Variants in ATP6V0E1 observed in about 807,000 individuals in gnomAD.
ATP6V0E1 encodes V-type proton ATPase subunit e 1.
ATP6V0E1 carries 4 observed loss-of-function variants against 11.6 expected under a neutral mutation model. The observed-to-expected ratio is 0.35, with a 90% confidence interval of 0.17 to 0.79. ATP6V0E1 has a LOEUF of 0.79. ATP6V0E1 is among the 30% of genes least tolerant of loss of function. The pLI is 0.54. For missense variants in ATP6V0E1, 105 were observed against 100.0 expected (o/e 1.05, Z -0.21); for synonymous variants, 36 against 34.8 (o/e 1.04, Z -0.13).
chr5:173,018,612 C>G (rs1050280694), intron 2 of ATP6V0E1, among the ~76,000 whole-genome samples: 5 of 151,774 alleles, frequency 3.3e-5, no homozygotes, highest in Non-Finnish European at 7.3e-5. Context: ...GAAATAATGC[C>G]CCGTCAAGCC....
intron 2 of ATP6V0E1, among the ~76,000 whole-genome samples, chr5:173,015,889 G>A (rs942418876): frequency 1.3e-5 from 2 of 152,116 alleles, no homozygotes; most frequent in Admixed American, 1.3e-4. Context: ...ACCATGCCCA[G>A]CTGATTTTTG....
At chr5:173,002,694 A>T (rs987516195) in intron 2 of ATP6V0E1, among the ~76,000 whole-genome samples, 7 of 152,216 alleles carry the variant, frequency 4.6e-5, no homozygotes, top group Non-Finnish European at 8.8e-5. Context: ...GCTAGACTAT[A>T]TCCAAAATAG....
In ATP6V0E1 at chr5:173,015,556, A is replaced by G. The variant is rs186706199; in HGVS notation, c.153-4682A>G. Among the ~76,000 whole-genome samples the G allele has an allele frequency of 1.7e-4, 26 of 149,686 alleles. No homozygotes were observed. In the East Asian group the frequency reaches 4.2e-3, roughly 24 times the overall value. On this transcript the variant is annotated intron_variant, in intron 2 of 3. Coordinates refer to ENST00000519374, the MANE Select transcript of ATP6V0E1 (RefSeq NM_003945.4). ...TCACCAATGGCCCGTGATGTAATCAATCATGCCTACACAATGAAGCTTCCA... is the reference window on the plus strand; with the variant it reads ...TCACCAATGGCCCGTGATGTAATCAGTCATGCCTACACAATGAAGCTTCCA...
At chr5:172,995,333 C>T (rs1756047874) in intron 2 of ATP6V0E1, among the ~76,000 whole-genome samples, 1 of 152,190 alleles carries the variant, frequency 6.6e-6, no homozygotes, top group Non-Finnish European at 1.5e-5. Context: ...AACTCCTGAC[C>T]TCAAGTGATC....
chr5:172,997,781 CCAGT>C (rs368416750), intron 2 of ATP6V0E1, among the ~76,000 whole-genome samples: 26 of 150,554 alleles, frequency 1.7e-4, no homozygotes, highest in African/African-American at 6.4e-4. Flanking sequence ...CCACTGCACT[CCAGT>C]CTGGGCGACA....
In ATP6V0E1 at chr5:173,032,020, G is replaced by A. The variant is rs572999456; in HGVS notation, c.*37-2379G>A. Reference sequence around the variant, plus strand: ...AATACAAAAATCAGCCAGGTATGGTGGCACACGCCTGTAGTCCTAGCTACT... The same window carrying A: ...AATACAAAAATCAGCCAGGTATGGTAGCACACGCCTGTAGTCCTAGCTACT... On this transcript the variant is annotated intron_variant, in intron 3 of 3. Coordinates refer to ENST00000519374, the MANE Select transcript of ATP6V0E1 (RefSeq NM_003945.4). 5.9e-5 allele frequency among the ~76,000 whole-genome samples: 9 copies of A among 151,816 alleles called. No individual in the cohort carries two copies. In the East Asian group the frequency reaches 1.8e-3, roughly 30 times the overall value.
intron 2 of ATP6V0E1, among the ~76,000 whole-genome samples, chr5:173,002,647 T>C (rs1756176947): frequency 6.6e-6 from 1 of 152,244 alleles, no homozygotes; most frequent in African/African-American, 2.4e-5. Flanking sequence ...CCATCATTTA[T>C]GATATTCTGT....
chr5:173,009,682 C>G (rs1756287922), intron 2 of ATP6V0E1, among the ~76,000 whole-genome samples: 2 of 151,308 alleles, frequency 1.3e-5, no homozygotes, highest in African/African-American at 2.4e-5. Context: ...AAGCTGGTCT[C>G]CCAACTCCTG....
Position 173,005,523 on chromosome 5 carries a change from T to A in ATP6V0E1, c.152+10701T>A, listed in dbSNP as rs756188097. 2.0e-5 allele frequency among the ~76,000 whole-genome samples: 3 copies of A among 152,216 alleles called. 1 individual carries two copies. The highest frequency in any genetic ancestry group is 4.4e-5 in the Non-Finnish European group (3 of 68,046). On this transcript the variant is annotated intron_variant, in intron 2 of 3. Transcript: ENST00000519374. Reference sequence around the variant, plus strand: ...GCCACTGCACCTAGTATGTCTCTTGTTATTTTAATATATCAAGTATTTTAA... The same window carrying A: ...GCCACTGCACCTAGTATGTCTCTTGATATTTTAATATATCAAGTATTTTAA...
chr5:173,017,250 C>A (rs1404378866), intron 2 of ATP6V0E1, among the ~76,000 whole-genome samples: 1 of 152,122 alleles, frequency 6.6e-6, no homozygotes. Flanking sequence ...AAAGTGATTC[C>A]CTGCTGGGCG....
chr5:173,023,686 A>G (rs1267551831), intron 3 of ATP6V0E1, among the ~76,000 whole-genome samples: 1 of 152,174 alleles, frequency 6.6e-6, no homozygotes, highest in African/African-American at 2.4e-5. Context: ...CTCTACAAAA[A>G]ATACAAAAAT....
intron 3 of ATP6V0E1, among the ~76,000 whole-genome samples, chr5:173,021,499 G>A (rs1259206094): frequency 1.3e-5 from 2 of 152,062 alleles, no homozygotes; most frequent in Non-Finnish European, 2.9e-5. Flanking sequence ...CAGTATGGGG[G>A]AACTGCCCCC....
Position 173,035,153 on chromosome 5 carries a change from T to G in ATP6V0E1, c.*791T>G, listed in dbSNP as rs1336825388. ...CAAGTTCACAAGCTATTTGGAGAGA[T>G]AAGGTTAGTATACATAGAACTGTAA... On this transcript the variant is annotated 3_prime_UTR_variant, in exon 4 of 4. Transcript: ENST00000519374. 6.6e-6 allele frequency: 1 copy of G among 152,164 alleles called. No homozygotes were observed. Among genetic ancestry groups the G allele is most frequent in the Non-Finnish European group, 1.5e-5 (1 of 68,100 alleles). 9.4% of individuals were successfully genotyped at this position (152,164 alleles called of 1,614,324 possible).
rs543084452 is a variant in ATP6V0E1, at chr5:173,034,594, C to T, written c.*232C>T. 3.2e-4 allele frequency: 199 copies of T among 624,120 alleles called. 2 individuals carry two copies. The highest frequency in any genetic ancestry group is 2.9e-3 in the South Asian group (162 of 55,058). The allele number at this position is 624,120 out of a possible 1,614,324, so 38.7% of individuals were successfully genotyped here. A position where few individuals can be genotyped will look rare whatever the true frequency, so the allele number is the denominator to read the frequency against. On this transcript the variant is annotated 3_prime_UTR_variant, in exon 4 of 4. Transcript: ENST00000519374. ...CGTGCCTCCATAACCTGAACTGTGCCGACTCCACAAAACGATTATGTACTC... is the reference window on the plus strand; with the variant it reads ...CGTGCCTCCATAACCTGAACTGTGCTGACTCCACAAAACGATTATGTACTC...
At chr5:173,021,871 T>G (rs942592983) in intron 3 of ATP6V0E1, among the ~76,000 whole-genome samples, 11 of 151,750 alleles carry the variant, frequency 7.2e-5, no homozygotes, top group Non-Finnish European at 1.2e-4. Flanking sequence ...CCATCTCTAC[T>G]AAAAATACAA....
Position 172,983,819 on chromosome 5 carries a change from G to A in ATP6V0E1, c.-42G>A, listed in dbSNP as rs770554541. On this transcript the variant is annotated 5_prime_UTR_variant, in exon 1 of 4. Coordinates refer to ENST00000519374, the MANE Select transcript of ATP6V0E1 (RefSeq NM_003945.4). ...CTATTGACACTTCCTGGTGGGATCC[G>A]AGTGAGGCGACGGGGTAGGGGTTGG... The A allele has an allele frequency of 6.3e-6, 10 of 1,587,722 alleles. No homozygotes were observed. Among genetic ancestry groups the A allele is most frequent in the Admixed American group, 1.7e-5 (1 of 59,958 alleles).
intron 1 of ATP6V0E1, among the ~76,000 whole-genome samples, chr5:172,992,633 C>G (rs1756001138): frequency 6.6e-6 from 1 of 152,144 alleles, no homozygotes; most frequent in Non-Finnish European, 1.5e-5. Context: ...ATCTCCAACC[C>G]CTGGTAGACC....
At chr5:173,025,444 C>T (rs1756543876) in intron 3 of ATP6V0E1, among the ~76,000 whole-genome samples, 1 of 148,944 alleles carries the variant, frequency 6.7e-6, no homozygotes, top group African/African-American at 2.5e-5. Context: ...CATGCCTGGC[C>T]TGAAAATTAC....
chr5:173,008,934 A>C (rs1756271372), intron 2 of ATP6V0E1, among the ~76,000 whole-genome samples: 1 of 128,814 alleles, frequency 7.8e-6, no homozygotes, highest in East Asian at 2.7e-4. Context: ...AAAAAAAAAA[A>C]CTCAACTGAG....
Sources: allele counts gnomAD v4.1 joint callset (sites outside exome capture counted in the v4.1 genomes callset), GRCh38; gene constraint gnomAD v4.1.1; transcripts MANE v1.5; gene names NCBI Gene and HGNC (gene_info 2026-07-23, HGNC 2026-07-21).